The following CARS1 variants were observed in gnomAD, a reference collection of about 807,000 sequenced individuals.
CARS1 encodes cysteinyl-tRNA synthetase 1.
CARS1 carries 48 observed loss-of-function variants against 106.2 expected under a neutral mutation model. The observed-to-expected ratio is 0.45, with a 90% CI of 0.36 to 0.57. The LOEUF (loss-of-function observed/expected upper bound fraction) is 0.57, where lower values mean the gene tolerates loss of function less well. CARS1 is among the 20% of genes least tolerant of loss of function. The pLI is 0.00. For missense variants in CARS1, 968 were observed against 1,057.2 expected, an observed-to-expected ratio of 0.92 and a Z score of 1.17; for synonymous variants, 409 against 403.4, an observed-to-expected ratio of 1.01 and a Z score of -0.17.
At chr11:3,035,571 A>C (rs780389768) in intron 7 of CARS1, among the ~76,000 whole-genome samples, 9 of 152,038 alleles carry the variant, frequency 5.9e-5, no homozygotes, top group Non-Finnish European at 8.8e-5. Context: ...CTGCAGCCTC[A>C]AACTCCTGGG....
intron 21 of CARS1, 187 bp downstream of exon 21, chr11:3,002,354 C>G: frequency 1.8e-6 from 2 of 1,116,662 alleles, no homozygotes; most frequent in Non-Finnish European, 2.5e-6. Context: ...CTTGGCCAGG[C>G]CTTCCCTGCA....
rs1855521788 is a variant in CARS1, at chr11:3,050,228, G to C, written c.26-2227C>G. The stretch of plus-strand genomic sequence containing the variant: ...AAAATGGCTTCCTGGGATGACTCTC[G>C]CTGGTGGGATGACGAGTGCAGCGTC... On this transcript the variant is annotated intron_variant, in intron 1 of 22. Coordinates refer to ENST00000380525, the MANE Select transcript of CARS1 (RefSeq NM_001014437.3). This position sits in a 1 kb window ranked among gnomAD's most constrained non-coding sequence, Gnocchi z 6.3. 6.6e-6 allele frequency among the ~76,000 whole-genome samples: 1 copy of C among 152,082 alleles called. No homozygotes were observed. The highest frequency in any genetic ancestry group is 2.4e-5 in the African/African-American group (1 of 41,380).
chr11:3,039,891 C>G lies in CARS1; in HGVS notation c.496G>C (p.Asp166His). 1 of 1,592,658 alleles carries G rather than the reference C, an allele frequency of 6.3e-7. No homozygotes were observed. Among genetic ancestry groups the G allele is most frequent in the African/African-American group, 1.3e-5 (1 of 74,248 alleles). The stretch of plus-strand genomic sequence containing the variant: ...TAAAAGACATCAAATTTGAAGTAAT[C>G]CTTCAACACTCTTCTCAAGATATCA... ...SFDILRRVLK[D>H]YFKFDVFYCM... is the part of the protein sequence containing the mutation. The change falls in exon 5 of 23, where the codon GAT (aspartate) becomes CAT (histidine). Residue 166 changes from aspartate to histidine, a missense_variant. Coordinates refer to ENST00000380525, the MANE Select transcript of CARS1 (RefSeq NM_001014437.3). This position sits in a 1 kb window ranked among gnomAD's most constrained non-coding sequence, Gnocchi z 5.6.
In CARS1 at chr11:3,028,828, C is replaced by A; in HGVS notation, c.1031+168G>T. ...GACAGTGCAGACCCATGCTCCTCAG[C>A]CCCTGGGTGGGCCCAGAGTTGTAGG... is the stretch of plus-strand genomic sequence containing the variant. On this transcript the variant is annotated intron_variant, in intron 9 of 22. Coordinates refer to ENST00000380525, the MANE Select transcript of CARS1 (RefSeq NM_001014437.3). The surrounding 1 kb of genome is among the most constrained non-coding windows in gnomAD (Gnocchi z 4.4). 1 of 621,890 alleles carries A rather than the reference C, an allele frequency of 1.6e-6. No individual in the cohort carries two copies. 38.5% of individuals were successfully genotyped at this position (621,890 alleles called of 1,614,324 possible).
chr11:3,036,848 A>G (rs1215255216), intron 7 of CARS1, among the ~76,000 whole-genome samples: 1 of 152,196 alleles, frequency 6.6e-6, no homozygotes, highest in African/African-American at 2.4e-5. Flanking sequence ...CAGCCATAGG[A>G]AGGAAGCAGA....
At position 3,041,151 on chromosome 11, in the gene CARS1, G is replaced by C. The variant is rs953873382; in HGVS notation, c.367-167C>G. ...AAGTCACAGTCTCAGTGGGAGCCCA[G>C]TGAGATGTACGGCACCTCCCACCAA... On this transcript the variant is annotated intron_variant, in intron 3 of 22. Transcript: ENST00000380525. This position sits in a 1 kb window ranked among gnomAD's most constrained non-coding sequence, Gnocchi z 4.9. 3.7e-6 allele frequency: 4 copies of C among 1,091,234 alleles called. No individual in the cohort carries two copies. The highest frequency in any genetic ancestry group is 1.6e-5 in the African/African-American group (1 of 62,272). 67.6% of individuals were successfully genotyped at this position (1,091,234 alleles called of 1,614,324 possible).
chr11:3,032,019 C>T (rs1852856942), intron 7 of CARS1, among the ~76,000 whole-genome samples: 2 of 13,740 alleles, frequency 1.5e-4, no homozygotes, highest in South Asian at 0.011. Flanking sequence ...TCCCTCCCTC[C>T]CTCCCTCCCT....
rs1850065698 is a variant in CARS1 at position 3,008,001 on chromosome 11, A to C, written c.2069-1042T>G. On this transcript the variant is annotated intron_variant, in intron 18 of 22. Transcript: ENST00000380525. The surrounding 1 kb of genome is among the most constrained non-coding windows in gnomAD (Gnocchi z 5.1). ...ACAGCATCTCCTAGACTACATCAACAGGACAGATGCTTGCTGCTCTCCAAG... is the reference window on the plus strand; with the variant it reads ...ACAGCATCTCCTAGACTACATCAACCGGACAGATGCTTGCTGCTCTCCAAG... 6.6e-6 allele frequency: 1 copy of C among 152,272 alleles called. No homozygotes were observed. Among genetic ancestry groups the C allele is most frequent in the Non-Finnish European group, 1.5e-5 (1 of 68,060 alleles). The allele number at this position is 152,272 out of a possible 1,614,324, so 9.4% of individuals were successfully genotyped here.
intron 18 of CARS1, 152 bp from the exon 19 acceptor site, chr11:3,007,111 C>A: frequency 1.5e-6 from 1 of 646,282 alleles, no homozygotes; most frequent in South Asian, 1.8e-5. Flanking sequence ...GCCCACAGAA[C>A]GAGTACCTCC....
chr11:3,033,823 C>G (rs956551203), intron 7 of CARS1, among the ~76,000 whole-genome samples: 1 of 152,236 alleles, frequency 6.6e-6, no homozygotes, highest in Non-Finnish European at 1.5e-5. Flanking sequence ...ACTTGACAAG[C>G]TGAGGCTTCA....
At chr11:3,005,299 G>A in intron 20 of CARS1, 67 bp downstream of exon 20, 2 of 1,179,300 alleles carry the variant, frequency 1.7e-6, no homozygotes, top group Non-Finnish European at 2.5e-6. Flanking sequence ...AGTAAACTAT[G>A]TAATAATCGC....
At chr11:3,035,839 C>T (rs1466458830) in intron 7 of CARS1, among the ~76,000 whole-genome samples, 1 of 152,216 alleles carries the variant, frequency 6.6e-6, no homozygotes, top group Non-Finnish European at 1.5e-5. Context: ...CCTAGAAGGT[C>T]TGTGTCTGCC....
Position 3,022,152 on chromosome 11 carries a change from C to T in CARS1, c.1154-1820G>A, listed in dbSNP as rs1851626908. On this transcript the variant is annotated intron_variant, in intron 10 of 22. Transcript: ENST00000380525. This position sits in a 1 kb window ranked among gnomAD's most constrained non-coding sequence, Gnocchi z 4.9. The stretch of plus-strand genomic sequence containing the variant: ...TCCATCCGCTTCCCTGCAGCTCTAA[C>T]TGAGAGTCACATAGCACGCTGACCA... Among the ~76,000 whole-genome samples the T allele has an allele frequency of 6.6e-6, 1 of 152,134 alleles. No homozygotes were observed. The highest frequency in any genetic ancestry group is 2.4e-5 in the African/African-American group (1 of 41,426).
chr11:3,055,882 C>A (rs1288134974), intron 1 of CARS1, among the ~76,000 whole-genome samples: 2 of 152,208 alleles, frequency 1.3e-5, no homozygotes, highest in African/African-American at 2.4e-5. Flanking sequence ...AAGGTAGGAG[C>A]CATTACGCAT....
rs1851371773 is a variant in CARS1 at position 3,019,525 on chromosome 11, C to T, written c.1267-258G>A. 6.6e-6 allele frequency among the ~76,000 whole-genome samples: 1 copy of T among 152,112 alleles called. No homozygotes were observed. Among genetic ancestry groups the T allele is most frequent in the Non-Finnish European group, 1.5e-5 (1 of 68,030 alleles). On this transcript the variant is annotated intron_variant, in intron 11 of 22. Coordinates refer to ENST00000380525, the MANE Select transcript of CARS1 (RefSeq NM_001014437.3). This position sits in a 1 kb window ranked among gnomAD's most constrained non-coding sequence, Gnocchi z 6.2. ...CCTGGCCAACATGGTGAAACCCCGT[C>T]TCTACTAAAAATACAAAAAAATACA...
rs756592057 is a variant in CARS1, at chr11:3,019,233, A to G, written c.1301T>C (p.Met434Thr). ...CGAAGCCCCTAGGAGGGTGCCTGCC[A>G]TGGCCGAGCACTCGATATGCCAGCC... is the stretch of plus-strand genomic sequence containing the variant. ...RPGWHIECSA[M>T]AGTLLGASMD... Residue 434 changes from methionine (M) to threonine (T), a missense_variant, in exon 12 of 23, where the codon ATG (methionine) becomes ACG (threonine). Coordinates refer to ENST00000380525, the MANE Select transcript of CARS1 (RefSeq NM_001014437.3). This position sits in a 1 kb window ranked among gnomAD's most constrained non-coding sequence, Gnocchi z 6.2. 6.7e-7 allele frequency: 1 copy of G among 1,484,142 alleles called. No homozygotes were observed. 91.9% of individuals were successfully genotyped at this position (1,484,142 alleles called of 1,614,324 possible). A position where few individuals can be genotyped will look rare whatever the true frequency, so the allele number is the denominator to read the frequency against.
chr11:3,034,159 G>T lies in CARS1; in HGVS notation c.801+3891C>A, dbSNP rs1488188832. Among the ~76,000 whole-genome samples the T allele has an allele frequency of 2.0e-5, 3 of 150,172 alleles. No individual in the cohort carries two copies. The East Asian group carries it at 6.0e-4, about 30-fold the overall frequency. ...CAACATGTAACAGAGATGAATTCGT[G>T]TCTTAGTCTGTTTTCTGTTTTTTTG... On this transcript the variant is annotated intron_variant, in intron 7 of 22. Transcript: ENST00000380525. This position sits in a 1 kb window ranked among gnomAD's most constrained non-coding sequence, Gnocchi z 6.3.
At position 3,052,760 on chromosome 11, in the gene CARS1, T is replaced by C. The variant is rs559227790; in HGVS notation, c.25+4583A>G. ...TGTGTCTCGAGGAAACAAATAAAAA[T>C]AGGTCAGCTTTCAAGTGGTCATGGG... On this transcript the variant is annotated intron_variant, in intron 1 of 22. Coordinates refer to ENST00000380525, the MANE Select transcript of CARS1 (RefSeq NM_001014437.3). The surrounding 1 kb of genome is among the most constrained non-coding windows in gnomAD (Gnocchi z 4.6). 6.6e-6 allele frequency among the ~76,000 whole-genome samples: 1 copy of C among 152,242 alleles called. No individual in the cohort carries two copies. Among genetic ancestry groups the C allele is most frequent in the African/African-American group, 2.4e-5 (1 of 41,560 alleles).
In CARS1 at chr11:3,052,116, A is replaced by G. The variant is rs1855752795; in HGVS notation, c.26-4115T>C. ...TATTTTTAAAATGAGAAAAACATCAAATGTCCTAACGGCGGCTGCAGTGGC... is the reference window on the plus strand; with the variant it reads ...TATTTTTAAAATGAGAAAAACATCAGATGTCCTAACGGCGGCTGCAGTGGC... On this transcript the variant is annotated intron_variant, in intron 1 of 22. Coordinates refer to ENST00000380525, the MANE Select transcript of CARS1 (RefSeq NM_001014437.3). This position sits in a 1 kb window ranked among gnomAD's most constrained non-coding sequence, Gnocchi z 4.6. Among the ~76,000 whole-genome samples, 1 of 152,222 alleles carries G rather than the reference A, an allele frequency of 6.6e-6. No individual in the cohort carries two copies. The highest frequency in any genetic ancestry group is 2.4e-5 in the African/African-American group (1 of 41,458).
Sources: gnomAD v4.1 joint callset for allele counts (sites outside exome capture counted in the v4.1 genomes callset) on GRCh38, gnomAD v4.1.1 for gene constraint, Gnocchi (gnomAD v3.1) non-coding constraint, MANE v1.5 for transcripts, NCBI Gene and HGNC (gene_info 2026-07-23, HGNC 2026-07-21) for gene names.